The following OR2G6 variants were observed in gnomAD, a reference collection of about 807,000 sequenced individuals.
The protein encoded by OR2G6 is olfactory receptor family 2 subfamily G member 6.
For synonymous variants in OR2G6, 183 were observed against 155.2 expected (o/e 1.18, Z -1.33); for missense variants, 457 against 391.3 (o/e 1.17, Z -1.42).
chr1:248,524,129 A>ACGTTTGG lies in OR2G6; in HGVS notation c.*1533_*1539dup, dbSNP rs1239473436. The stretch of plus-strand genomic sequence containing the variant: ...AGCCTGTCTACGAATGTTAAGGATA[A>ACGTTTGG]CGTTTGGACCTGCCTCTCCTACCAA... On this transcript the variant is annotated 3_prime_UTR_variant, in exon 2 of 2. Coordinates refer to ENST00000641804, the MANE Select transcript of OR2G6 (RefSeq NM_001013355.2). 2.0e-5 allele frequency: 3 copies of ACGTTTGG among 152,156 alleles called. No individual in the cohort carries two copies. The highest frequency in any genetic ancestry group is 4.4e-5 in the Non-Finnish European group (3 of 68,054). The allele number at this position is 152,156 out of a possible 1,614,324, so 9.4% of individuals were successfully genotyped here.
intron 1 of OR2G6, among the ~76,000 whole-genome samples, chr1:248,519,921 A>G (rs1002971687): frequency 5.9e-5 from 9 of 152,188 alleles, no homozygotes; most frequent in African/African-American, 2.2e-4. Context: ...TACTTTGGGC[A>G]GTGTGGCATA....
At position 248,525,525 on chromosome 1, in the gene OR2G6, C is replaced by T. The variant is rs890815145; in HGVS notation, c.*2928C>T. 2 of 151,746 alleles carry T rather than the reference C, an allele frequency of 1.3e-5. No homozygotes were observed. The highest frequency in any genetic ancestry group is 2.4e-5 in the African/African-American group (1 of 41,300). 9.4% of individuals were successfully genotyped at this position (151,746 alleles called of 1,614,324 possible). A position where few individuals can be genotyped will look rare whatever the true frequency, so the allele number is the denominator to read the frequency against. ...CATGAAAAACAAAAACCATATAGGA[C>T]CACAGCTCAGAGAAGAAAAATGGGA... is the stretch of plus-strand genomic sequence containing the variant. On this transcript the variant is annotated 3_prime_UTR_variant, in exon 2 of 2. Transcript: ENST00000641804.
rs781314730 is a variant in OR2G6, at chr1:248,521,616, G to A, written c.-31G>A. ...CCCAAATATTAATCACTTAGTATTT[G>A]AAGCTGAAGAGTCCTGAAGCTGCAG... On this transcript the variant is annotated 5_prime_UTR_variant, in exon 2 of 2. Transcript: ENST00000641804. 22 of 1,475,212 alleles carry A rather than the reference G, an allele frequency of 1.5e-5. No homozygotes were observed. Among genetic ancestry groups the A allele is most frequent in the Non-Finnish European group, 2.1e-5 (22 of 1,067,746 alleles). 91.4% of individuals were successfully genotyped at this position (1,475,212 alleles called of 1,614,324 possible).
At chr1:248,519,393 T>C (rs2103059079) in intron 1 of OR2G6, among the ~76,000 whole-genome samples, 1 of 148,924 alleles carries the variant, frequency 6.7e-6, no homozygotes, top group African/African-American at 2.5e-5. Flanking sequence ...GTTTTAGTCA[T>C]GAAGTCTTTA....
In OR2G6 at chr1:248,521,667, C is replaced by T. The variant is rs1664286790; in HGVS notation, c.21C>T (p.Ser7=). The T allele has an allele frequency of 1.2e-6, 2 of 1,613,480 alleles. No individual in the cohort carries two copies. Among genetic ancestry groups the T allele is most frequent in the Non-Finnish European group, 1.7e-6 (2 of 1,179,688 alleles). MEETNN[S]SEKGFLLLGF... is the part of the protein sequence containing the mutation. ...GAAAAATGGAGGAAACCAACAACAG[C>T]TCTGAAAAGGGATTTCTTCTCCTGG... Residue 7 remains serine (S), a synonymous_variant, in exon 2 of 2, where the codon AGC becomes AGT. Transcript: ENST00000641804.
chr1:248,509,202 C>T lies in OR2G6; in HGVS notation c.-37+773C>T, dbSNP rs535632826. On this transcript the variant is annotated intron_variant, in intron 1 of 1. Coordinates refer to ENST00000641804, the MANE Select transcript of OR2G6 (RefSeq NM_001013355.2). ...TCACTGAAACCTTATACCCATTGCA[C>T]AGTAGATCAAGAGAAGAAATACTTG... 6.9e-3 allele frequency among the ~76,000 whole-genome samples: 130 copies of T among 18,916 alleles called. 8 individuals carry two copies. Among genetic ancestry groups the T allele is most frequent in the African/African-American group, 0.042 (120 of 2,858 alleles). 12.4% of individuals were successfully genotyped at this position (18,916 alleles called of 152,430 possible).
chr1:248,520,488 G>A (rs992750975), intron 1 of OR2G6, among the ~76,000 whole-genome samples: 1 of 152,140 alleles, frequency 6.6e-6, no homozygotes, highest in Non-Finnish European at 1.5e-5. Flanking sequence ...AGAGTAACAT[G>A]TACACACATT....
In OR2G6 at chr1:248,525,428, A is replaced by C. The variant is rs1238321269; in HGVS notation, c.*2831A>C. The stretch of plus-strand genomic sequence containing the variant: ...AGTATATGGTTCCACCACTCCAAAC[A>C]CCATGAATTTTTTTTAAAAGATATT... On this transcript the variant is annotated 3_prime_UTR_variant, in exon 2 of 2. Coordinates refer to ENST00000641804, the MANE Select transcript of OR2G6 (RefSeq NM_001013355.2). 6.6e-6 allele frequency: 1 copy of C among 151,694 alleles called. No homozygotes were observed. The highest frequency in any genetic ancestry group is 1.5e-5 in the Non-Finnish European group (1 of 67,982). 9.4% of individuals were successfully genotyped at this position (151,694 alleles called of 1,614,324 possible). A position where few individuals can be genotyped will look rare whatever the true frequency, so the allele number is the denominator to read the frequency against.
At position 248,522,643 on chromosome 1, in the gene OR2G6, G is replaced by A; in HGVS notation, c.*46G>A. On this transcript the variant is annotated 3_prime_UTR_variant, in exon 2 of 2. Transcript: ENST00000641804. ...CAAGGGAAACACCTCAAGGCAGAGTGAGGGTTCATCCTCCCCAGACATTCC... is the reference window on the plus strand; with the variant it reads ...CAAGGGAAACACCTCAAGGCAGAGTAAGGGTTCATCCTCCCCAGACATTCC... The A allele has an allele frequency of 7.6e-7, 1 of 1,316,700 alleles. No individual in the cohort carries two copies. The highest frequency in any genetic ancestry group is 1.0e-6 in the Non-Finnish European group (1 of 954,478). 81.6% of individuals were successfully genotyped at this position (1,316,700 alleles called of 1,614,324 possible).
rs1664395569 is a variant in OR2G6 at position 248,526,266 on chromosome 1, G to A, written c.*3669G>A. On this transcript the variant is annotated 3_prime_UTR_variant, in exon 2 of 2. Coordinates refer to ENST00000641804, the MANE Select transcript of OR2G6 (RefSeq NM_001013355.2). ...GGTATTGGCATAAAAACAGACACATGGGCCAATAGAACAGAATGGAGAACC... is the reference window on the plus strand; with the variant it reads ...GGTATTGGCATAAAAACAGACACATAGGCCAATAGAACAGAATGGAGAACC... 1.3e-5 allele frequency: 2 copies of A among 152,058 alleles called. No individual in the cohort carries two copies. The highest frequency in any genetic ancestry group is 2.4e-5 in the African/African-American group (1 of 41,406). 9.4% of individuals were successfully genotyped at this position (152,058 alleles called of 1,614,324 possible).
rs371373148 is a variant in OR2G6, at chr1:248,521,674, A to C, written c.28A>C (p.Lys10Gln). MEETNNSSE[K>Q]GFLLLGFSDQ... is the part of the protein sequence containing the mutation. ...GGAGGAAACCAACAACAGCTCTGAA[A>C]AGGGATTTCTTCTCCTGGGATTTTC... is the stretch of plus-strand genomic sequence containing the variant. Residue 10 changes from lysine (K) to glutamine (Q), a missense_variant, in exon 2 of 2, where the codon AAG becomes CAG. Lys to Gln is a moderately conservative substitution (Grantham distance 53). Coordinates refer to ENST00000641804, the MANE Select transcript of OR2G6 (RefSeq NM_001013355.2). The C allele has an allele frequency of 6.2e-6, 10 of 1,613,908 alleles. No individual in the cohort carries two copies. In the East Asian group the frequency reaches 8.9e-5, roughly 14 times the overall value.
chr1:248,521,675 A>G lies in OR2G6; in HGVS notation c.29A>G (p.Lys10Arg), dbSNP rs144451980. Residue 10 changes from lysine (K) to arginine (R), a missense_variant, in exon 2 of 2, where the codon AAG (lysine) becomes AGG (arginine). Physicochemically the swap from Lys to Arg is conservative, Grantham distance 26. Transcript: ENST00000641804. MEETNNSSE[K>R]GFLLLGFSDQ... ...GAGGAAACCAACAACAGCTCTGAAAAGGGATTTCTTCTCCTGGGATTTTCA... is the reference window on the plus strand; with the variant it reads ...GAGGAAACCAACAACAGCTCTGAAAGGGGATTTCTTCTCCTGGGATTTTCA... The G allele has an allele frequency of 1.5e-4, 239 of 1,613,750 alleles. No individual in the cohort carries two copies. The highest frequency in any genetic ancestry group is 2.0e-4 in the Non-Finnish European group (231 of 1,179,922).
chr1:248,526,712 C>CA lies in OR2G6; in HGVS notation c.*4115_*4116insA. On this transcript the variant is annotated 3_prime_UTR_variant, in exon 2 of 2. Transcript: ENST00000641804. ...CATTCTAACTGGTGTGAGATGATAT[C>CA]TCATTGTGGTTTTGATTTGCATTTC... The CA allele has an allele frequency of 1.2e-5, 1 of 82,792 alleles. No homozygotes were observed. The highest frequency in any genetic ancestry group is 4.2e-5 in the Non-Finnish European group (1 of 24,056). 5.1% of individuals were successfully genotyped at this position (82,792 alleles called of 1,614,324 possible).
At chr1:248,520,148 A>G (rs1044514079) in intron 1 of OR2G6, among the ~76,000 whole-genome samples, 1 of 152,222 alleles carries the variant, frequency 6.6e-6, no homozygotes, top group Non-Finnish European at 1.5e-5. Flanking sequence ...GGTGGAAACC[A>G]TCATTTTCAG....
intron 1 of OR2G6, among the ~76,000 whole-genome samples, chr1:248,520,304 C>CA (rs1483517364): frequency 1.3e-5 from 2 of 152,116 alleles, no homozygotes; most frequent in Non-Finnish European, 2.9e-5. Context: ...GGAGGGATAG[C>CA]ATTAGGAGAA....
At position 248,526,085 on chromosome 1, in the gene OR2G6, GA is replaced by G. The variant is rs1664389276; in HGVS notation, c.*3492del. On this transcript the variant is annotated 3_prime_UTR_variant, in exon 2 of 2. Coordinates refer to ENST00000641804, the MANE Select transcript of OR2G6 (RefSeq NM_001013355.2). ...ATTTGAGTATGAATGATCAGACAGG[GA>G]AAATAAAAGTACCAAGAAAAATAAA... The G allele has an allele frequency of 6.6e-6, 1 of 151,936 alleles. No individual in the cohort carries two copies. The allele number at this position is 151,936 out of a possible 1,614,324, so 9.4% of individuals were successfully genotyped here.
At chr1:248,509,028 G>A (rs1325679197) in intron 1 of OR2G6, among the ~76,000 whole-genome samples, 1 of 88,506 alleles carries the variant, frequency 1.1e-5, no homozygotes, top group Non-Finnish European at 2.0e-5. Context: ...GCTTAGTTCA[G>A]TGCCTGGCTC....
chr1:248,526,660 T>G lies in OR2G6; in HGVS notation c.*4063T>G. 1 of 152,104 alleles carries G rather than the reference T, an allele frequency of 6.6e-6. No individual in the cohort carries two copies. The highest frequency in any genetic ancestry group is 1.5e-5 in the Non-Finnish European group (1 of 67,978). 9.4% of individuals were successfully genotyped at this position (152,104 alleles called of 1,614,324 possible). A position where few individuals can be genotyped will look rare whatever the true frequency, so the allele number is the denominator to read the frequency against. ...GAGCTCTCTGTTCACCATAACCTGA[T>G]CTCAGTAGTAACTATTTAATGATTG... On this transcript the variant is annotated 3_prime_UTR_variant, in exon 2 of 2. Coordinates refer to ENST00000641804, the MANE Select transcript of OR2G6 (RefSeq NM_001013355.2).
intron 1 of OR2G6, among the ~76,000 whole-genome samples, chr1:248,520,315 A>C (rs531478148): frequency 6.6e-6 from 1 of 152,136 alleles, no homozygotes; most frequent in Non-Finnish European, 1.5e-5. Context: ...ATTAGGAGAA[A>C]TACCTAACAT....
Sources: allele counts gnomAD v4.1 joint callset (sites outside exome capture counted in the v4.1 genomes callset), GRCh38; gene constraint gnomAD v4.1.1; transcripts MANE v1.5; gene names NCBI Gene and HGNC (gene_info 2026-07-23, HGNC 2026-07-21).